IGF2R: variants seen among roughly 807,000 people sequenced by gnomAD.
The protein encoded by IGF2R is cation-independent mannose-6-phosphate receptor.
In IGF2R, 91 loss-of-function variants were observed where a neutral mutation model predicts 270.6. The observed-to-expected ratio is 0.34, with a 90% CI of 0.28 to 0.40. The LOEUF is 0.40. Among genes scored for constraint, IGF2R ranks in the 10% least tolerant of loss-of-function variants. The probability of loss-of-function intolerance (pLI) is 1.00; values close to 1 mark genes in which losing one functional copy is unlikely to be tolerated. For missense variants in IGF2R, 2,805 were observed against 3,188.3 expected, an observed-to-expected ratio of 0.88 and a Z score of 2.90; for synonymous variants, 1,316 against 1,258.9, an observed-to-expected ratio of 1.05 and a Z score of -0.96.
rs893641292 is a variant in IGF2R, at chr6:159,998,533, C to G, written c.289+7210C>G. On this transcript the variant is annotated intron_variant, in intron 2 of 47. Transcript: ENST00000356956. This position sits in a 1 kb window ranked among gnomAD's most constrained non-coding sequence, Gnocchi z 4.1. ...GAAGCTGGCCCCGTGGAATAGGAAA[C>G]GATGCCTACAGGGGAGATACCAAAG... Among the ~76,000 whole-genome samples, 5 of 152,116 alleles carry G rather than the reference C, an allele frequency of 3.3e-5. No homozygotes were observed. The highest frequency in any genetic ancestry group is 1.2e-4 in the African/African-American group (5 of 41,420).
At chr6:160,030,853 T>C (rs1777679992) in intron 7 of IGF2R, among the ~76,000 whole-genome samples, 1 of 151,514 alleles carries the variant, frequency 6.6e-6, no homozygotes, top group Non-Finnish European at 1.5e-5. Context: ...AGACAGTGTC[T>C]TGCTCTGTCG....
intron 2 of IGF2R, among the ~76,000 whole-genome samples, chr6:159,992,202 C>T (rs1356305645): frequency 2.6e-5 from 4 of 152,256 alleles, no homozygotes; most frequent in African/African-American, 7.2e-5. Context: ...ACTGTGGTAG[C>T]TCTGTCATTT....
intron 2 of IGF2R, among the ~76,000 whole-genome samples, chr6:160,001,787 C>T (rs1443414345): frequency 2.0e-5 from 3 of 152,092 alleles, no homozygotes; most frequent in Non-Finnish European, 2.9e-5. Flanking sequence ...AAATGTTAGC[C>T]ATCATTTTCA....
chr6:160,068,814 G>A (rs1253271369), intron 30 of IGF2R, among the ~76,000 whole-genome samples: 2 of 152,204 alleles, frequency 1.3e-5, no homozygotes, highest in Admixed American at 6.5e-5. Context: ...AGTAGGATGG[G>A]GATTCTTTGG....
chr6:160,081,760 A>G (rs1778987483), intron 39 of IGF2R, among the ~76,000 whole-genome samples: 1 of 152,228 alleles, frequency 6.6e-6, no homozygotes, highest in African/African-American at 2.4e-5. Context: ...GAAAGAATTC[A>G]GCGATATTTC....
At position 160,012,765 on chromosome 6, in the gene IGF2R, T is replaced by TATATATATATATATATATATA. The variant is rs1562343074; in HGVS notation, c.513+1980_513+1981insATATATATATATATATATATA. ...CTAATTTATATATATATATATATAT[T>TATATATATATATATATATATA]TTTTTTTTTTTTTGTTTGTTTGTTT... On this transcript the variant is annotated intron_variant, in intron 4 of 47. Coordinates refer to ENST00000356956, the MANE Select transcript of IGF2R (RefSeq NM_000876.4). Among the ~76,000 whole-genome samples, 66 of 76,476 alleles carry TATATATATATATATATATATA rather than the reference T, an allele frequency of 8.6e-4. 4 individuals carry two copies. Among genetic ancestry groups the TATATATATATATATATATATA allele is most frequent in the East Asian group, 4.7e-3 (8 of 1,702 alleles). The allele number at this position is 76,476 out of a possible 152,430, so 50.2% of individuals were successfully genotyped here. A position where few individuals can be genotyped will look rare whatever the true frequency, so the allele number is the denominator to read the frequency against.
chr6:160,073,405 C>T lies in IGF2R; in HGVS notation c.4883C>T (p.Ser1628Phe). Residue 1628 changes from serine (S) to phenylalanine (F), a missense_variant, in exon 34 of 48, where the codon TCC becomes TTC. This residue lies in a region of IGF2R where 1,851 missense variants were observed against 2,207.2 expected (regional missense o/e 0.84). Transcript: ENST00000356956. ...CCAACCAATAGGCCCATGCTCATCT[C>T]CCTGGACAAGCAGACATGCACTCTC... ...ARPTNRPMLI[S>F]LDKQTCTLFF... 1.2e-6 allele frequency: 2 copies of T among 1,614,232 alleles called. No individual in the cohort carries two copies. Among genetic ancestry groups the T allele is most frequent in the Non-Finnish European group, 8.5e-7 (1 of 1,180,016 alleles).
Position 159,991,182 on chromosome 6 carries a change from A to G in IGF2R, c.150-2A>G. The G allele has an allele frequency of 6.2e-7, 1 of 1,602,306 alleles. No homozygotes were observed. The highest frequency in any genetic ancestry group is 8.5e-7 in the Non-Finnish European group (1 of 1,174,520). ...TGACAAGTTGTTTTTCTTCCTTTCC[A>G]GTTATACATGGGAAGCTGTTGATAC... On this transcript the variant is annotated splice_acceptor_variant, in intron 1 of 47. Coordinates refer to ENST00000356956, the MANE Select transcript of IGF2R (RefSeq NM_000876.4). LOFTEE classifies it high-confidence loss of function.
intron 1 of IGF2R, among the ~76,000 whole-genome samples, chr6:159,978,113 G>A (rs1283548724): frequency 6.6e-6 from 1 of 152,134 alleles, no homozygotes; most frequent in African/African-American, 2.4e-5. Context: ...TGGGGTTTCT[G>A]CCTCAACCAG....
At position 160,050,668 on chromosome 6, in the gene IGF2R, T is replaced by A; in HGVS notation, c.2694+16T>A. 6.3e-7 allele frequency: 1 copy of A among 1,586,684 alleles called. No homozygotes were observed. The highest frequency in any genetic ancestry group is 2.3e-5 in the East Asian group (1 of 44,180). On this transcript the variant is annotated intron_variant, in intron 19 of 47. Coordinates refer to ENST00000356956, the MANE Select transcript of IGF2R (RefSeq NM_000876.4). The surrounding 1 kb of genome is among the most constrained non-coding windows in gnomAD (Gnocchi z 4.0). ...GGGCAGGCTGGTAAGGCACTGCTGC[T>A]GGCTGGTGACCTTCACTGCTGCATT...
At chr6:159,985,761 C>G (rs2115178151) in intron 1 of IGF2R, among the ~76,000 whole-genome samples, 1 of 152,350 alleles carries the variant, frequency 6.6e-6, no homozygotes, top group Admixed American at 6.5e-5. Flanking sequence ...GTGTGTCTCT[C>G]CAGCTGTCAG....
chr6:160,090,232 T>C (rs8191931), intron 44 of IGF2R, 129 bp downstream of exon 44: 3 of 581,364 alleles, frequency 5.2e-6, no homozygotes, highest in Non-Finnish European at 8.4e-6. Flanking sequence ...TCTAATTCTT[T>C]ACTTTGTTAT....
chr6:160,053,124 C>T (rs1449218150), intron 19 of IGF2R, among the ~76,000 whole-genome samples: 1 of 152,120 alleles, frequency 6.6e-6, no homozygotes, highest in Non-Finnish European at 1.5e-5. Context: ...GCAAAAGAAG[C>T]ATGGATGAAG....
At chr6:160,064,590 T>G (rs1045697883) in intron 28 of IGF2R, 59 bp downstream of exon 28, 5 of 1,578,566 alleles carry the variant, frequency 3.2e-6, no homozygotes, top group Non-Finnish European at 4.3e-6. Context: ...GCTGCTGGGA[T>G]CATATTAGAA....
Position 160,070,069 on chromosome 6 carries a change from G to T in IGF2R, c.4443+11G>T, listed in dbSNP as rs748329377. ...AGCGAGAGCCAAGTGGTAAGGGACT[G>T]TTCCTGCACCTTCTGCTGTTGCAGC... On this transcript the variant is annotated intron_variant, in intron 31 of 47. Coordinates refer to ENST00000356956, the MANE Select transcript of IGF2R (RefSeq NM_000876.4). The T allele has an allele frequency of 3.1e-6, 5 of 1,612,876 alleles. No individual in the cohort carries two copies. The highest frequency in any genetic ancestry group is 4.2e-6 in the Non-Finnish European group (5 of 1,178,962).
Position 160,010,767 on chromosome 6 carries a change from A to C in IGF2R, c.495A>C (p.Ile165=), listed in dbSNP as rs1350004567. The C allele has an allele frequency of 3.1e-6, 5 of 1,605,178 alleles. No individual in the cohort carries two copies. The South Asian group carries it at 5.5e-5, about 18-fold the overall frequency. ...WRTTAACKKD[I]FKANKEVPCY... ...CCACTGCAGCCTGCAAGAAAGACAT[A>C]TTTAAAGCAAATAAGGAGGTAACAT... Residue 165 remains isoleucine (I), a synonymous_variant, in exon 4 of 48, where the codon ATA becomes ATC. Transcript: ENST00000356956.
At chr6:160,085,362 G>T (rs1779078262) in intron 41 of IGF2R, among the ~76,000 whole-genome samples, 1 of 152,176 alleles carries the variant, frequency 6.6e-6, no homozygotes, top group African/African-American at 2.4e-5. Context: ...GAGGGGTTGG[G>T]CTATCTCGGG....
intron 33 of IGF2R, 61 bp from the exon 34 acceptor site, chr6:160,073,152 A>T: frequency 6.3e-7 from 1 of 1,587,602 alleles, no homozygotes; most frequent in Non-Finnish European, 8.6e-7. Context: ...GAAAGTTCTC[A>T]TCAGAAAATT....
At chr6:160,099,403 C>G (rs1335172808) in intron 45 of IGF2R, among the ~76,000 whole-genome samples, 1 of 151,726 alleles carries the variant, frequency 6.6e-6, no homozygotes, top group African/African-American at 2.4e-5. Context: ...GAGTCTCGCT[C>G]TCGCCCAGGC....
Sources: gnomAD v4.1 joint callset for allele counts (sites outside exome capture counted in the v4.1 genomes callset) on GRCh38, gnomAD v4.1.1 for gene constraint, gnomAD v4.1.1 regional missense constraint, Gnocchi (gnomAD v3.1) non-coding constraint, MANE v1.5 for transcripts, NCBI Gene and HGNC (gene_info 2026-07-23, HGNC 2026-07-21) for gene names.